SLC22A3: variants seen among roughly 807,000 people sequenced by gnomAD.
SLC22A3 encodes EMT organic cation transporter 3.
In SLC22A3, 51 loss-of-function variants were observed where a neutral mutation model predicts 59.1. The observed-to-expected ratio is 0.86, with a 90% CI of 0.69 to 1.09. The LOEUF is 1.09. Ranked by LOEUF, SLC22A3 falls within the 50% of genes least tolerant of loss-of-function variation. The probability of loss-of-function intolerance (pLI) is 0.00; values close to 1 mark genes in which losing one functional copy is unlikely to be tolerated. For missense variants in SLC22A3, 711 were observed against 726.3 expected (o/e 0.98, Z 0.24); for synonymous variants, 325 against 292.0 (o/e 1.11, Z -1.15).
At chr6:160,349,945 G>A (rs1784605338) in intron 1 of SLC22A3, among the ~76,000 whole-genome samples, 1 of 152,146 alleles carries the variant, frequency 6.6e-6, no homozygotes, top group African/African-American at 2.4e-5. Context: ...TGGATGAGGA[G>A]GTAGGAGCGC....
chr6:160,365,994 C>T (rs1785190788), intron 1 of SLC22A3, among the ~76,000 whole-genome samples: 1 of 152,154 alleles, frequency 6.6e-6, no homozygotes, highest in Non-Finnish European at 1.5e-5. Flanking sequence ...ACCCCTGTGA[C>T]ACAATTACCT....
At chr6:160,380,643 C>T (rs1785762137) in intron 1 of SLC22A3, among the ~76,000 whole-genome samples, 2 of 152,252 alleles carry the variant, frequency 1.3e-5, no homozygotes, top group Middle Eastern at 3.4e-3. Context: ...TTGTTTTCTT[C>T]TAATTTCTAT....
chr6:160,417,597 C>T (rs1419614743), intron 5 of SLC22A3, among the ~76,000 whole-genome samples: 3 of 152,172 alleles, frequency 2.0e-5, no homozygotes, highest in Admixed American at 2.0e-4. Flanking sequence ...TTCACATTTT[C>T]CCTCATTTCC....
intron 9 of SLC22A3, among the ~76,000 whole-genome samples, chr6:160,445,735 A>G (rs542248820): frequency 6.6e-6 from 1 of 152,308 alleles, no homozygotes; most frequent in East Asian, 1.9e-4. Context: ...GCACAGGGAG[A>G]AAGCATGGTG....
chr6:160,370,265 G>A (rs1256167888), intron 1 of SLC22A3, among the ~76,000 whole-genome samples: 1 of 152,242 alleles, frequency 6.6e-6, no homozygotes, highest in Non-Finnish European at 1.5e-5. Flanking sequence ...ATTTCCTGAT[G>A]AAGGTGGGGC....
chr6:160,379,945 G>A (rs1391387734), intron 1 of SLC22A3, among the ~76,000 whole-genome samples: 2 of 152,026 alleles, frequency 1.3e-5, no homozygotes, highest in African/African-American at 2.4e-5. Context: ...GTCATATAAG[G>A]TATACAAAAT....
Position 160,408,851 on chromosome 6 carries a change from T to C in SLC22A3, c.787T>C (p.Phe263Leu), listed in dbSNP as rs575539551. The C allele has an allele frequency of 5.0e-5, 80 of 1,613,828 alleles. 1 individual carries two copies. The South Asian group carries it at 8.5e-4, about 17-fold the overall frequency. The stretch of plus-strand genomic sequence containing the variant: ...CATAATTCTCCCTGGAATTGCCTAC[T>C]TCATCCCCAACTGGCAAGGAATCCA... Reference protein sequence around the residue: ...GIIILPGIAYFIPNWQGIQLA... With the variant: ...GIIILPGIAYLIPNWQGIQLA... The change falls in exon 4 of 11, where the codon TTC (phenylalanine) becomes CTC (leucine). Residue 263 changes from phenylalanine (F) to leucine (L), a missense_variant. By Grantham distance (22) the Phe-to-Leu change is conservative. Coordinates refer to ENST00000275300, the MANE Select transcript of SLC22A3 (RefSeq NM_021977.4).
chr6:160,409,190 G>A (rs1462569437), intron 4 of SLC22A3, among the ~76,000 whole-genome samples: 5 of 95,372 alleles, frequency 5.2e-5, no homozygotes, highest in Non-Finnish European at 1.0e-4. Context: ...CCCCACCACA[G>A]TCCCCAGAGT....
intron 7 of SLC22A3, 64 bp downstream of exon 7, chr6:160,437,275 G>GTA (rs1788379348): frequency 1.3e-6 from 2 of 1,497,954 alleles, no homozygotes; most frequent in Non-Finnish European, 1.9e-6. Context: ...CCACAATCAA[G>GTA]TATAGGGAGC....
chr6:160,411,716 T>G (rs1256824534), intron 5 of SLC22A3, among the ~76,000 whole-genome samples: 1 of 152,112 alleles, frequency 6.6e-6, no homozygotes, highest in African/African-American at 2.4e-5. Context: ...CCCTCCAGCC[T>G]AGGAGACAGA....
At chr6:160,446,820 C>G (rs1788763155) in intron 9 of SLC22A3, among the ~76,000 whole-genome samples, 1 of 152,210 alleles carries the variant, frequency 6.6e-6, no homozygotes, top group South Asian at 2.1e-4. Context: ...GCTACTACAC[C>G]TTCAGTATTA....
chr6:160,412,086 G>A (rs766284845), intron 5 of SLC22A3, among the ~76,000 whole-genome samples: 10 of 152,122 alleles, frequency 6.6e-5, no homozygotes, highest in Non-Finnish European at 1.2e-4. Flanking sequence ...TTGGGGCTGG[G>A]TGCGGTGGCT....
At chr6:160,447,615 G>A in intron 9 of SLC22A3, 104 bp from the exon 10 acceptor site, 1 of 915,698 alleles carries the variant, frequency 1.1e-6, no homozygotes. Flanking sequence ...GTGGTTGAGA[G>A]CTACTCCAGT....
chr6:160,391,196 G>A (rs1786241235), intron 1 of SLC22A3, among the ~76,000 whole-genome samples: 1 of 151,984 alleles, frequency 6.6e-6, no homozygotes, highest in African/African-American at 2.4e-5. Flanking sequence ...TGTTGAGGGA[G>A]GGGGGAAGCC....
intron 5 of SLC22A3, among the ~76,000 whole-genome samples, chr6:160,421,297 A>G (rs550046064): frequency 6.6e-6 from 1 of 152,294 alleles, no homozygotes; most frequent in Admixed American, 6.5e-5. Context: ...TGGAGAGCCA[A>G]AGCCCTTTCC....
At chr6:160,392,104 T>C (rs1211893028) in intron 1 of SLC22A3, among the ~76,000 whole-genome samples, 2 of 152,154 alleles carry the variant, frequency 1.3e-5, no homozygotes, top group Non-Finnish European at 2.9e-5. Flanking sequence ...GTCTTGGCCC[T>C]GGACCCACAC....
chr6:160,391,815 G>A (rs1020067562), intron 1 of SLC22A3, among the ~76,000 whole-genome samples: 1 of 152,162 alleles, frequency 6.6e-6, no homozygotes, highest in East Asian at 1.9e-4. Context: ...AAGGGCAGAA[G>A]TTAATAAATG....
intron 5 of SLC22A3, among the ~76,000 whole-genome samples, chr6:160,411,777 A>G (rs945112680): frequency 6.6e-6 from 1 of 152,186 alleles, no homozygotes; most frequent in African/African-American, 2.4e-5. Context: ...TGGGACAAAA[A>G]TTAAAAGCTT....
Position 160,348,622 on chromosome 6 carries a change from A to G in SLC22A3, c.203A>G (p.Glu68Gly). 1 of 1,504,198 alleles carries G rather than the reference A, an allele frequency of 6.6e-7. No homozygotes were observed. The highest frequency in any genetic ancestry group is 8.8e-7 in the Non-Finnish European group (1 of 1,134,350). The allele number at this position is 1,504,198 out of a possible 1,614,324, so 93.2% of individuals were successfully genotyped here. The change falls in exon 1 of 11, where the codon GAG (glutamate) becomes GGG (glycine). Residue 68 changes from glutamate to glycine, a missense_variant. Glu to Gly is a moderately conservative substitution (Grantham distance 98). Coordinates refer to ENST00000275300, the MANE Select transcript of SLC22A3 (RefSeq NM_021977.4). ...ALAERCGWSP[E>G]EEWNRTAPAS... ...GCCGAGCGCTGCGGCTGGAGCCCGGAGGAGGAGTGGAACCGCACGGCGCCC... is the reference window on the plus strand; with the variant it reads ...GCCGAGCGCTGCGGCTGGAGCCCGGGGGAGGAGTGGAACCGCACGGCGCCC...
Sources: allele counts gnomAD v4.1 joint callset (sites outside exome capture counted in the v4.1 genomes callset), GRCh38; gene constraint gnomAD v4.1.1; transcripts MANE v1.5; gene names NCBI Gene and HGNC (gene_info 2026-07-23, HGNC 2026-07-21).